Variants in EYA4 observed in about 807,000 individuals in gnomAD.
The protein encoded by EYA4 is EYA transcriptional coactivator and phosphatase 4.
In EYA4, 31 loss-of-function variants were observed where a neutral mutation model predicts 87.9. That is an observed-to-expected ratio of 0.35 (90% confidence interval 0.27 to 0.48). The LOEUF is 0.48. EYA4 is among the 20% of genes least tolerant of loss of function. The pLI, the probability that EYA4 is intolerant of heterozygous loss-of-function variation, is 0.99. For synonymous variants in EYA4, 263 were observed against 270.6 expected (o/e 0.97, Z 0.28); for missense variants, 678 against 761.4 (o/e 0.89, Z 1.29).
intron 3 of EYA4, among the ~76,000 whole-genome samples, chr6:133,420,328 G>A (rs212788): frequency 0.8 from 121,137 of 152,158 alleles, 49,940 homozygotes; most frequent in Non-Finnish European, 0.91. Context: ...GTAAAATGTA[G>A]GTTTTCTCTC....
chr6:133,401,203 A>G (rs1442844296), intron 3 of EYA4, among the ~76,000 whole-genome samples: 1 of 152,138 alleles, frequency 6.6e-6, no homozygotes, highest in Non-Finnish European at 1.5e-5. Flanking sequence ...TCTCATAAGG[A>G]TAGAGAGTAG....
At chr6:133,290,912 G>A (rs932795928) in intron 2 of EYA4, among the ~76,000 whole-genome samples, 2 of 152,130 alleles carry the variant, frequency 1.3e-5, no homozygotes, top group Non-Finnish European at 2.9e-5. Flanking sequence ...CAGCCTCCCT[G>A]AAAACTGTGG....
rs538893151 is a variant in EYA4 at position 133,465,421 on chromosome 6, C to G, written c.804+563C>G. Among the ~76,000 whole-genome samples, 7 of 152,174 alleles carry G rather than the reference C, an allele frequency of 4.6e-5. No individual in the cohort carries two copies. In the South Asian group the frequency reaches 1.2e-3, roughly 27 times the overall value. ...CTTTCCTGACAGCTGCAACTTTTTG[C>G]TTTTGTCACTGTGCCTGCCTCTGGT... On this transcript the variant is annotated intron_variant, in intron 10 of 19. Coordinates refer to ENST00000355286, the MANE Select transcript of EYA4 (RefSeq NM_004100.5).
At chr6:133,282,261 T>C (rs747846373) in intron 2 of EYA4, among the ~76,000 whole-genome samples, 18 of 152,186 alleles carry the variant, frequency 1.2e-4, no homozygotes, top group Admixed American at 1.3e-4. Flanking sequence ...CTGTTATGTT[T>C]TGACTTGTTA....
In EYA4 at chr6:133,530,897, A is replaced by G; in HGVS notation, c.*2092A>G. 9.2e-7 allele frequency: 1 copy of G among 1,084,342 alleles called. No homozygotes were observed. The highest frequency in any genetic ancestry group is 1.6e-5 in the African/African-American group (1 of 60,960). 67.2% of individuals were successfully genotyped at this position (1,084,342 alleles called of 1,614,324 possible). A position where few individuals can be genotyped will look rare whatever the true frequency, so the allele number is the denominator to read the frequency against. On this transcript the variant is annotated 3_prime_UTR_variant, in exon 20 of 20. Coordinates refer to ENST00000355286, the MANE Select transcript of EYA4 (RefSeq NM_004100.5). ...TGTTGGCCCTTAGCTTGAAAATAGC[A>G]GTTAAAAAAATTTAAATGTTGCCTT...
chr6:133,301,829 TG>T (rs1779432030), intron 2 of EYA4, among the ~76,000 whole-genome samples: 1 of 152,226 alleles, frequency 6.6e-6, no homozygotes. Flanking sequence ...GTTTGCATTT[TG>T]AAGGAGGAAG....
chr6:133,366,563 C>T (rs1401165570), intron 2 of EYA4, among the ~76,000 whole-genome samples: 1 of 152,190 alleles, frequency 6.6e-6, no homozygotes, highest in Non-Finnish European at 1.5e-5. Context: ...ACCATCTTGG[C>T]TTCTGAATGT....
intron 2 of EYA4, among the ~76,000 whole-genome samples, chr6:133,314,107 G>A (rs944846721): frequency 6.6e-6 from 1 of 152,160 alleles, no homozygotes; most frequent in Non-Finnish European, 1.5e-5. Context: ...AGGTACATAT[G>A]TGGTTAAAGT....
chr6:133,338,726 A>G (rs1203103194), intron 2 of EYA4, among the ~76,000 whole-genome samples: 1 of 152,162 alleles, frequency 6.6e-6, no homozygotes, highest in Admixed American at 6.5e-5. Context: ...GGTGGTGCTT[A>G]GTGTTTAACT....
At chr6:133,433,166 G>C (rs1186471587) in intron 3 of EYA4, among the ~76,000 whole-genome samples, 1 of 152,128 alleles carries the variant, frequency 6.6e-6, no homozygotes, top group Non-Finnish European at 1.5e-5. Flanking sequence ...TGAATTGCTG[G>C]TTCTAAAATG....
At chr6:133,267,991 T>C (rs1776365173) in intron 1 of EYA4, among the ~76,000 whole-genome samples, 1 of 152,198 alleles carries the variant, frequency 6.6e-6, no homozygotes, top group African/African-American at 2.4e-5. Context: ...GTGTTTCTGA[T>C]ATTAAGTATT....
intron 3 of EYA4, among the ~76,000 whole-genome samples, chr6:133,396,420 T>A (rs1349972720): frequency 6.6e-6 from 1 of 152,146 alleles, no homozygotes; most frequent in East Asian, 1.9e-4. Flanking sequence ...ATGATTAATG[T>A]GGTTTGGTGG....
chr6:133,448,398 T>G (rs1793074108), intron 5 of EYA4, among the ~76,000 whole-genome samples: 1 of 152,212 alleles, frequency 6.6e-6, no homozygotes, highest in Admixed American at 6.5e-5. Flanking sequence ...ATTAGTATTC[T>G]TTTCTTAAAT....
chr6:133,342,605 A>ATATATATATATATATATATATATC (rs1485897156), intron 2 of EYA4, among the ~76,000 whole-genome samples: 15 of 130,454 alleles, frequency 1.1e-4, no homozygotes, highest in African/African-American at 4.9e-4. Context: ...ATATATATAT[A>ATATATATATATATATATATATATC]ATTCTTTATA....
At chr6:133,244,460 A>C (rs921010864) in intron 1 of EYA4, among the ~76,000 whole-genome samples, 1 of 152,190 alleles carries the variant, frequency 6.6e-6, no homozygotes, top group East Asian at 1.9e-4. Flanking sequence ...ATAAAAAGGA[A>C]TAATAATTAT....
At chr6:133,516,882 G>A (rs1799644526) in intron 17 of EYA4, among the ~76,000 whole-genome samples, 1 of 152,122 alleles carries the variant, frequency 6.6e-6, no homozygotes. Context: ...ATTCCATGGT[G>A]TACATGTACC....
chr6:133,478,890 C>G (rs1795969971), intron 11 of EYA4, among the ~76,000 whole-genome samples: 1 of 152,156 alleles, frequency 6.6e-6, no homozygotes, highest in Admixed American at 6.6e-5. Flanking sequence ...CTAAACTCCT[C>G]CTTTATGGAC....
chr6:133,349,690 A>G (rs1281642350), intron 2 of EYA4, among the ~76,000 whole-genome samples: 1 of 151,390 alleles, frequency 6.6e-6, no homozygotes, highest in African/African-American at 2.5e-5. Flanking sequence ...GGGGGCTGTA[A>G]TAAACCACAG....
intron 2 of EYA4, among the ~76,000 whole-genome samples, chr6:133,366,783 G>T (rs1784882522): frequency 6.6e-6 from 1 of 152,204 alleles, no homozygotes; most frequent in Non-Finnish European, 1.5e-5. Flanking sequence ...AGCTGTGGTG[G>T]CTGTTTAGTT....
Sources: gnomAD v4.1 joint callset for allele counts (sites outside exome capture counted in the v4.1 genomes callset) on GRCh38, gnomAD v4.1.1 for gene constraint, MANE v1.5 for transcripts, NCBI Gene and HGNC (gene_info 2026-07-23, HGNC 2026-07-21) for gene names.